Variants in DSE observed in about 807,000 individuals in gnomAD.
DSE encodes the protein dermatan sulfate epimerase.
Under a neutral mutation model 84.4 loss-of-function variants are expected in DSE, and 36 were observed. That is an observed-to-expected ratio of 0.43 (90% confidence interval 0.33 to 0.56). DSE has a LOEUF of 0.56. DSE is among the 20% of genes least tolerant of loss of function. DSE has a pLI of 0.06. For missense variants in DSE, 862 were observed against 1,169.6 expected (o/e 0.74, Z 3.84); for synonymous variants, 410 against 430.1 (o/e 0.95, Z 0.58).
intron 2 of DSE, among the ~76,000 whole-genome samples, chr6:116,410,375 A>G (rs181988738): frequency 6.6e-6 from 1 of 152,132 alleles, no homozygotes; most frequent in Admixed American, 6.5e-5. Flanking sequence ...AGTTCATCCA[A>G]ATGTGCATCT....
intron 2 of DSE, among the ~76,000 whole-genome samples, chr6:116,293,722 C>T (rs567168006): frequency 2.0e-5 from 3 of 151,990 alleles, no homozygotes; most frequent in South Asian, 2.1e-4. Context: ...GGAAACATAG[C>T]GAGACTTTGG....
At chr6:116,401,245 A>G (rs1051040897) in intron 2 of DSE, 2 of 152,152 alleles carry the variant, frequency 1.3e-5, no homozygotes, top group East Asian at 1.9e-4. Context: ...GACTCCTTCT[A>G]TGAAAAGAGA....
chr6:116,426,277 C>A (rs1026344927), intron 2 of DSE, among the ~76,000 whole-genome samples: 1 of 152,154 alleles, frequency 6.6e-6, no homozygotes, highest in African/African-American at 2.4e-5. Flanking sequence ...ATGTTCTATG[C>A]TTCAGATCTC....
At chr6:116,375,080 TG>T (rs1016024496) in intron 1 of DSE, among the ~76,000 whole-genome samples, 1 of 152,210 alleles carries the variant, frequency 6.6e-6, no homozygotes, top group Non-Finnish European at 1.5e-5. Context: ...TACCTCAAGT[TG>T]GTGCCCAACA....
chr6:116,418,110 G>A (rs887938419), intron 2 of DSE, among the ~76,000 whole-genome samples: 21 of 152,118 alleles, frequency 1.4e-4, no homozygotes, highest in African/African-American at 5.1e-4. Flanking sequence ...CAATTATCGA[G>A]GGTAGAATTC....
At chr6:116,389,883 A>T (rs911849928) in intron 1 of DSE, among the ~76,000 whole-genome samples, 4 of 151,942 alleles carry the variant, frequency 2.6e-5, no homozygotes, top group African/African-American at 9.7e-5. Flanking sequence ...GGTTAAATAA[A>T]TTGTTTTGGA....
intron 2 of DSE, among the ~76,000 whole-genome samples, chr6:116,316,826 C>CTACTACTAT (rs59889768): frequency 6.9e-6 from 1 of 145,848 alleles, no homozygotes; most frequent in African/African-American, 2.6e-5. Flanking sequence ...ACTACTACTA[C>CTACTACTAT]TATTATTATT....
At chr6:116,279,810 G>A in intron 2 of DSE, 1 of 1,612,982 alleles carries the variant, frequency 6.2e-7, no homozygotes, top group Non-Finnish European at 8.5e-7. Context: ...TGGTCCTCTT[G>A]ACCCCATCCA....
intron 2 of DSE, among the ~76,000 whole-genome samples, chr6:116,426,193 T>C (rs947696414): frequency 6.6e-6 from 1 of 152,200 alleles, no homozygotes; most frequent in African/African-American, 2.4e-5. Flanking sequence ...GAGAGCATCT[T>C]ATTCAAGTGA....
intron 2 of DSE, among the ~76,000 whole-genome samples, chr6:116,267,329 T>C (rs1426620462): frequency 2.0e-5 from 3 of 152,154 alleles, no homozygotes; most frequent in African/African-American, 4.8e-5. Flanking sequence ...AGACCTTCTA[T>C]TGGGACAAGA....
At chr6:116,268,040 C>T (rs1032496110) in intron 2 of DSE, among the ~76,000 whole-genome samples, 15 of 152,142 alleles carry the variant, frequency 9.9e-5, no homozygotes, top group Non-Finnish European at 1.6e-4. Flanking sequence ...AGAGCCAAAC[C>T]GTATCAAGTA....
upstream of DSE, chr6:116,366,259 G>C (rs1779160028): frequency 5.3e-5 from 8 of 152,312 alleles, 1 homozygote; most frequent in South Asian, 1.7e-3. Context: ...CAACTTCAAA[G>C]TCCTTGCTCT....
At chr6:116,371,330 C>T (rs899108466) in intron 1 of DSE, among the ~76,000 whole-genome samples, 7 of 152,222 alleles carry the variant, frequency 4.6e-5, no homozygotes, top group African/African-American at 1.7e-4. Flanking sequence ...GCCTGAGCCA[C>T]GGGCTTCCCC....
intron 2 of DSE, among the ~76,000 whole-genome samples, chr6:116,322,983 A>G (rs1434907943): frequency 6.6e-6 from 1 of 152,176 alleles, no homozygotes; most frequent in Non-Finnish European, 1.5e-5. Flanking sequence ...CCACCTGCAG[A>G]AAATAATTTA....
rs533646184 is a variant in DSE, at chr6:116,263,215, G to A, written c.-54+4248G>A. Among the ~76,000 whole-genome samples the A allele has an allele frequency of 2.0e-4, 31 of 152,264 alleles. No individual in the cohort carries two copies. In the South Asian group the frequency reaches 6.4e-3, roughly 32 times the overall value. On this transcript the variant is annotated intron_variant, in intron 2 of 3. Transcript: ENST00000430252. ...CTAATATTGTCAGTGGTGTGTTAAA[G>A]TCTCCCGCTATTAATGTGTAGGAGT... is the stretch of plus-strand genomic sequence containing the variant.
chr6:116,433,187 C>G (rs1783950216), intron 4 of DSE, 156 bp from the exon 5 acceptor site: 2 of 723,502 alleles, frequency 2.8e-6, no homozygotes, highest in South Asian at 3.8e-5. Context: ...ACTAACTGGT[C>G]TGGAATAAAA....
At chr6:116,375,885 C>T (rs1012674129) in intron 1 of DSE, among the ~76,000 whole-genome samples, 3 of 152,018 alleles carry the variant, frequency 2.0e-5, no homozygotes, top group Non-Finnish European at 4.4e-5. Flanking sequence ...GTGTCTTACC[C>T]TCATTTTAGG....
chr6:116,304,528 A>G (rs187940854), intron 2 of DSE, among the ~76,000 whole-genome samples: 2 of 152,352 alleles, frequency 1.3e-5, no homozygotes, highest in Admixed American at 6.5e-5. Context: ...TGTGTAAACT[A>G]TCAATAGCCT....
chr6:116,444,085 T>G lies in DSE; in HGVS notation c.*6740T>G, dbSNP rs1376555677. 1 of 152,230 alleles carries G rather than the reference T, an allele frequency of 6.6e-6. No individual in the cohort carries two copies. The highest frequency in any genetic ancestry group is 1.5e-5 in the Non-Finnish European group (1 of 68,042). 9.4% of individuals were successfully genotyped at this position (152,230 alleles called of 1,614,324 possible). A position where few individuals can be genotyped will look rare whatever the true frequency, so the allele number is the denominator to read the frequency against. On this transcript the variant is annotated 3_prime_UTR_variant, in exon 6 of 6. Coordinates refer to ENST00000644252, the MANE Select transcript of DSE (RefSeq NM_013352.4). Reference sequence around the variant, plus strand: ...GGTATTTGTTTTACTGACAAAAGAATGGATCCAGGTCATTTAGTAGAGTTC... The same window carrying G: ...GGTATTTGTTTTACTGACAAAAGAAGGGATCCAGGTCATTTAGTAGAGTTC...
Sources: gnomAD v4.1 joint callset for allele counts (sites outside exome capture counted in the v4.1 genomes callset) on GRCh38, gnomAD v4.1.1 for gene constraint, MANE v1.5 for transcripts, NCBI Gene and HGNC (gene_info 2026-07-23, HGNC 2026-07-21) for gene names.